The following MMP16 variants were observed in gnomAD, a reference collection of about 807,000 sequenced individuals.
MMP16 encodes matrix metalloproteinase-16.
Under a neutral mutation model 67.8 loss-of-function variants are expected in MMP16, and 12 were observed. That is an observed-to-expected ratio of 0.18 (90% confidence interval 0.11 to 0.29). MMP16 has a LOEUF of 0.29. Among genes scored for constraint, MMP16 ranks in the 10% least tolerant of loss-of-function variants. MMP16 has a pLI of 1.00. For missense variants in MMP16, 475 were observed against 765.7 expected, an observed-to-expected ratio of 0.62 and a Z score of 4.48; for synonymous variants, 249 against 255.9, an observed-to-expected ratio of 0.97 and a Z score of 0.26.
At chr8:88,309,094 A>G (rs547207962) in intron 1 of MMP16, among the ~76,000 whole-genome samples, 1 of 152,250 alleles carries the variant, frequency 6.6e-6, no homozygotes, top group South Asian at 2.1e-4. Flanking sequence ...AGAATCTACT[A>G]CAATTATAAA....
chr8:88,269,099 T>C (rs1285261970), intron 1 of MMP16, among the ~76,000 whole-genome samples: 2 of 152,166 alleles, frequency 1.3e-5, no homozygotes, highest in East Asian at 1.9e-4. Flanking sequence ...GAGCCTCTTA[T>C]AGACTTTGCA....
intron 1 of MMP16, among the ~76,000 whole-genome samples, chr8:88,304,990 A>C (rs1381340959): frequency 2.0e-5 from 3 of 152,220 alleles, no homozygotes; most frequent in Non-Finnish European, 4.4e-5. Flanking sequence ...CCCAATTAAA[A>C]AACACAGAAT....
intron 1 of MMP16, among the ~76,000 whole-genome samples, chr8:88,247,005 A>T (rs1166294971): frequency 1.3e-5 from 2 of 152,130 alleles, no homozygotes; most frequent in African/African-American, 4.8e-5. Context: ...AATTGTTACA[A>T]AATAAGACAG....
rs538860217 is a variant in MMP16 at position 88,286,720 on chromosome 8, C to T, written c.132+40355G>A. 6.4e-4 allele frequency among the ~76,000 whole-genome samples: 97 copies of T among 152,078 alleles called. 1 individual carries two copies. Among genetic ancestry groups the T allele is most frequent in the Non-Finnish European group, 8.8e-4 (60 of 67,972 alleles). ...CCTCCCAAGTAGCTGCTACTACAGG[C>T]GCCCGCCACCATGCCCGGCTAATTT... On this transcript the variant is annotated intron_variant, in intron 1 of 9. Coordinates refer to ENST00000286614, the MANE Select transcript of MMP16 (RefSeq NM_005941.5).
chr8:88,117,908 T>C (rs1167552176), intron 5 of MMP16, among the ~76,000 whole-genome samples: 1 of 152,120 alleles, frequency 6.6e-6, no homozygotes, highest in Non-Finnish European at 1.5e-5. Flanking sequence ...ATTAATTTAG[T>C]ATAAAGCATA....
At chr8:88,064,635 T>G (rs1808441341) in intron 7 of MMP16, among the ~76,000 whole-genome samples, 1 of 152,144 alleles carries the variant, frequency 6.6e-6, no homozygotes, top group African/African-American at 2.4e-5. Flanking sequence ...TATAACACAG[T>G]ATTTCACTGA....
At chr8:88,300,815 A>T (rs1811085887) in intron 1 of MMP16, among the ~76,000 whole-genome samples, 1 of 152,156 alleles carries the variant, frequency 6.6e-6, no homozygotes, top group Non-Finnish European at 1.5e-5. Context: ...TCCAAGATTG[A>T]GGAAAGGCCC....
At chr8:88,109,308 T>A (rs997165866) in intron 6 of MMP16, among the ~76,000 whole-genome samples, 3 of 151,300 alleles carry the variant, frequency 2.0e-5, no homozygotes, top group African/African-American at 7.3e-5. Context: ...TTTCATGGAC[T>A]TTTTCAGGTA....
chr8:88,052,119 C>G (rs1007236840), intron 8 of MMP16, among the ~76,000 whole-genome samples: 4 of 152,188 alleles, frequency 2.6e-5, no homozygotes, highest in African/African-American at 9.7e-5. Flanking sequence ...ACTCTGAGAT[C>G]TGTGCCTCCA....
intron 7 of MMP16, among the ~76,000 whole-genome samples, chr8:88,057,620 C>A (rs28991896): frequency 0.033 from 5,023 of 152,056 alleles, 258 homozygotes; most frequent in African/African-American, 0.11. Context: ...TCATGTAATA[C>A]CTAAGGGTCT....
At chr8:88,264,883 TA>T (rs1810449852) in intron 1 of MMP16, among the ~76,000 whole-genome samples, 1 of 152,232 alleles carries the variant, frequency 6.6e-6, no homozygotes, top group Non-Finnish European at 1.5e-5. Flanking sequence ...TATACAAACA[TA>T]TATAGAAAAC....
intron 1 of MMP16, chr8:88,326,859 A>T (rs1811547144): frequency 2.0e-6 from 1 of 510,732 alleles, no homozygotes. Context: ...AGCGCGCAGC[A>T]TCGTGCTTTG....
intron 1 of MMP16, among the ~76,000 whole-genome samples, chr8:88,213,479 T>A (rs1289906272): frequency 6.6e-6 from 1 of 151,988 alleles, no homozygotes; most frequent in Non-Finnish European, 1.5e-5. Context: ...GAATAGAAAA[T>A]AAGGTAACGC....
intron 4 of MMP16, among the ~76,000 whole-genome samples, chr8:88,151,341 C>G (rs1360983644): frequency 2.7e-5 from 4 of 149,776 alleles, no homozygotes; most frequent in Non-Finnish European, 4.5e-5. Flanking sequence ...AGGAATTGAA[C>G]TCAGCTCTGT....
intron 1 of MMP16, among the ~76,000 whole-genome samples, chr8:88,235,418 G>T (rs1306837773): frequency 6.6e-6 from 1 of 150,934 alleles, no homozygotes; most frequent in Non-Finnish European, 1.5e-5. Flanking sequence ...ATCAAACTAG[G>T]AGAAAACATG....
At chr8:88,185,000 G>A (rs546394029) in intron 3 of MMP16, among the ~76,000 whole-genome samples, 4 of 152,212 alleles carry the variant, frequency 2.6e-5, no homozygotes, top group East Asian at 1.9e-4. Context: ...AATATCTTGT[G>A]AGCAAATTTA....
intron 6 of MMP16, among the ~76,000 whole-genome samples, chr8:88,078,643 A>C (rs1272100533): frequency 2.6e-5 from 4 of 152,120 alleles, no homozygotes; most frequent in African/African-American, 9.7e-5. Flanking sequence ...GTGCCACTGC[A>C]CTCCGCCAGC....
chr8:88,135,803 C>T (rs1688679356), intron 4 of MMP16, among the ~76,000 whole-genome samples: 1 of 151,760 alleles, frequency 6.6e-6, no homozygotes, highest in Non-Finnish European at 1.5e-5. Flanking sequence ...AAAACTATAG[C>T]AGGTCTGGGG....
intron 6 of MMP16, among the ~76,000 whole-genome samples, chr8:88,108,280 G>T (rs1051232019): frequency 6.0e-5 from 9 of 151,172 alleles, no homozygotes; most frequent in African/African-American, 2.2e-4. Context: ...ATAAGCTTTA[G>T]AAAGTGTTGG....
Sources: allele counts gnomAD v4.1 joint callset (sites outside exome capture counted in the v4.1 genomes callset), GRCh38; gene constraint gnomAD v4.1.1; transcripts MANE v1.5; gene names NCBI Gene and HGNC (gene_info 2026-07-23, HGNC 2026-07-21).